The following CDCA7L variants were observed in gnomAD, a reference collection of about 807,000 sequenced individuals.
CDCA7L encodes cell division cycle-associated 7-like protein.
CDCA7L carries 44 observed loss-of-function variants against 57.4 expected under a neutral mutation model. The ratio of observed to expected loss-of-function variants is 0.77; its 90% CI spans 0.60 to 0.98. The LOEUF (loss-of-function observed/expected upper bound fraction) is 0.98. Among genes scored for constraint, CDCA7L ranks in the 50% least tolerant of loss-of-function variants. The pLI is 0.00. For synonymous variants in CDCA7L, 236 were observed against 202.8 expected (o/e 1.16, Z -1.39); for missense variants, 644 against 580.6 (o/e 1.11, Z -1.12).
chr7:21,913,025 C>T (rs746304574), intron 2 of CDCA7L, among the ~76,000 whole-genome samples: 1 of 152,072 alleles, frequency 6.6e-6, no homozygotes, highest in African/African-American at 2.4e-5. Flanking sequence ...TTTCCTCTGA[C>T]GTCTCTTCCC....
At chr7:21,905,067 C>T (rs981195463) in intron 7 of CDCA7L, among the ~76,000 whole-genome samples, 5 of 151,710 alleles carry the variant, frequency 3.3e-5, no homozygotes, top group Admixed American at 6.6e-5. Context: ...CAGAAAAACA[C>T]AAAAAAAATG....
chr7:21,922,799 G>C (rs1339596839), intron 1 of CDCA7L, among the ~76,000 whole-genome samples: 1 of 152,190 alleles, frequency 6.6e-6, no homozygotes, highest in Non-Finnish European at 1.5e-5. Flanking sequence ...TAAACAAAAT[G>C]TGAGACATAC....
At chr7:21,940,025 G>A (rs1299428080) in intron 1 of CDCA7L, among the ~76,000 whole-genome samples, 1 of 146,442 alleles carries the variant, frequency 6.8e-6, no homozygotes, top group Admixed American at 6.8e-5. Context: ...TCACAGGCCA[G>A]CCCAAGGCTC....
At chr7:21,941,931 C>G (rs1447270330) in intron 1 of CDCA7L, among the ~76,000 whole-genome samples, 1 of 152,192 alleles carries the variant, frequency 6.6e-6, no homozygotes, top group Non-Finnish European at 1.5e-5. Context: ...TCTCCAAACC[C>G]AAGGTCCCCC....
At position 21,933,068 on chromosome 7, in the gene CDCA7L, C is replaced by T. The variant is rs954859857; in HGVS notation, c.24+12713G>A. ...TGAAAAAAAGCTCATCATCACTGGT[C>T]ATTAAAGAAATGCAAATCAAAACCA... On this transcript the variant is annotated intron_variant, in intron 1 of 9. Transcript: ENST00000406877. Among the ~76,000 whole-genome samples, 14 of 152,090 alleles carry T rather than the reference C, an allele frequency of 9.2e-5. 2 individuals are homozygous for T. The highest frequency in any genetic ancestry group is 8.5e-4 in the Admixed American group (13 of 15,268).
intron 3 of CDCA7L, among the ~76,000 whole-genome samples, chr7:21,909,466 C>T (rs991814929): frequency 3.9e-5 from 6 of 151,966 alleles, no homozygotes; most frequent in African/African-American, 1.2e-4. Flanking sequence ...GCTTCCTCCC[C>T]GGTGACGACC....
intron 1 of CDCA7L, among the ~76,000 whole-genome samples, chr7:21,921,958 A>G (rs1455782840): frequency 1.3e-5 from 2 of 152,144 alleles, no homozygotes; most frequent in East Asian, 1.9e-4. Context: ...ATTCAATTCT[A>G]TGAGAACACA....
chr7:21,923,871 G>A lies in CDCA7L; in HGVS notation c.25-6977C>T, dbSNP rs572516861. On this transcript the variant is annotated intron_variant, in intron 1 of 9. Transcript: ENST00000406877. ...CCTGCTGAGTTGCTGCTGGCTTCTC[G>A]TTGAGTAGGTGCCTTTCAGGCATAC... Among the ~76,000 whole-genome samples, 27 of 152,314 alleles carry A rather than the reference G, an allele frequency of 1.8e-4. No individual in the cohort carries two copies. The South Asian group carries it at 2.9e-3, about 16-fold the overall frequency.
chr7:21,908,313 C>T lies in CDCA7L; in HGVS notation c.498G>A (p.Leu166=), dbSNP rs142227347. ...KPDKNSSSEQ[L]FSSARLQNEK... is the part of the protein sequence containing the mutation. ...CATTCTGTAAGCGTGCGCTAGAAAACAACTGCTCGGAAGAACTGTTTTTAT... is the reference window on the plus strand; with the variant it reads ...CATTCTGTAAGCGTGCGCTAGAAAATAACTGCTCGGAAGAACTGTTTTTAT... The change falls in exon 4 of 10, where the codon TTG becomes TTA. Residue 166 remains leucine (L), a synonymous_variant. Transcript: ENST00000406877. 10 of 1,609,478 alleles carry T rather than the reference C, an allele frequency of 6.2e-6. No individual in the cohort carries two copies. The highest frequency in any genetic ancestry group is 5.4e-5 in the African/African-American group (4 of 74,310).
At chr7:21,934,868 T>C (rs1194947561) in intron 1 of CDCA7L, among the ~76,000 whole-genome samples, 1 of 152,194 alleles carries the variant, frequency 6.6e-6, no homozygotes, top group African/African-American at 2.4e-5. Flanking sequence ...GATAGAACAA[T>C]TATAAATATA....
chr7:21,942,532 CAT>C (rs1786371586), intron 1 of CDCA7L, among the ~76,000 whole-genome samples: 2 of 152,146 alleles, frequency 1.3e-5, no homozygotes, highest in Non-Finnish European at 2.9e-5. Flanking sequence ...TATTCTAAAA[CAT>C]AACTTTGAGT....
chr7:21,924,064 T>C (rs1283768143), intron 1 of CDCA7L, among the ~76,000 whole-genome samples: 6 of 152,254 alleles, frequency 3.9e-5, no homozygotes, highest in African/African-American at 1.4e-4. Flanking sequence ...GTATTGTTCA[T>C]TTAAAACTTT....
intron 1 of CDCA7L, among the ~76,000 whole-genome samples, chr7:21,927,950 G>A (rs1412065449): frequency 1.3e-5 from 2 of 152,188 alleles, no homozygotes; most frequent in African/African-American, 4.8e-5. Context: ...TCCCAGCACA[G>A]CGTTCAAGCT....
chr7:21,915,891 G>A (rs1289632772), intron 2 of CDCA7L, among the ~76,000 whole-genome samples: 1 of 152,024 alleles, frequency 6.6e-6, no homozygotes, highest in Admixed American at 6.6e-5. Context: ...AAACCCAGGT[G>A]GTTAGAAGGA....
chr7:21,935,575 A>G (rs570176564), intron 1 of CDCA7L, among the ~76,000 whole-genome samples: 37 of 137,358 alleles, frequency 2.7e-4, no homozygotes, highest in African/African-American at 9.4e-4. Flanking sequence ...AGAAAAATCA[A>G]TGAAGCCAAA....
intron 1 of CDCA7L, among the ~76,000 whole-genome samples, chr7:21,942,507 T>TATACTGGAGGTAA (rs1440982817): frequency 6.6e-6 from 1 of 152,190 alleles, no homozygotes; most frequent in Non-Finnish European, 1.5e-5. Context: ...AACAAAACTG[T>TATACTGGAGGTAA]ATACTGGAGG....
At chr7:21,903,459 G>A (rs144024141) in intron 8 of CDCA7L, among the ~76,000 whole-genome samples, 1 of 152,134 alleles carries the variant, frequency 6.6e-6, no homozygotes, top group Non-Finnish European at 1.5e-5. Context: ...ATCAAGGTAT[G>A]AATTTCAGCC....
intron 9 of CDCA7L, 153 bp from the exon 10 acceptor site, chr7:21,902,505 A>G (rs982699121): frequency 5.5e-6 from 4 of 732,828 alleles, no homozygotes; most frequent in Admixed American, 2.1e-5. Flanking sequence ...CAATATCCGT[A>G]TACCCTCTGG....
chr7:21,935,109 TA>T (rs1278364438), intron 1 of CDCA7L, among the ~76,000 whole-genome samples: 1 of 152,140 alleles, frequency 6.6e-6, no homozygotes, highest in Non-Finnish European at 1.5e-5. Flanking sequence ...CTCAAGTACT[TA>T]CAGAAAATTT....
Sources: gnomAD v4.1 joint callset for allele counts (sites outside exome capture counted in the v4.1 genomes callset) on GRCh38, gnomAD v4.1.1 for gene constraint, MANE v1.5 for transcripts, NCBI Gene and HGNC (gene_info 2026-07-23, HGNC 2026-07-21) for gene names.